Variants in TTN observed in about 807,000 individuals in gnomAD.
TTN encodes the protein connectin.
TTN carries 1,525 observed loss-of-function variants against 3,223.0 expected under a neutral mutation model. The observed-to-expected ratio is 0.47, with a 90% CI of 0.45 to 0.49. The LOEUF is 0.49. Among genes scored for constraint, TTN ranks in the 20% least tolerant of loss-of-function variants. The pLI is 0.00. For missense variants in TTN, 40,786 were observed against 43,424.0 expected (o/e 0.94, Z 5.40); for synonymous variants, 14,094 against 15,161.0 (o/e 0.93, Z 5.17).
Position 178,794,371 on chromosome 2 carries a change from G to A in TTN, c.1398+28C>T, listed in dbSNP as rs762093001. 4.3e-6 allele frequency: 7 copies of A among 1,613,580 alleles called. No homozygotes were observed. The East Asian group carries it at 1.3e-4, about 31-fold the overall frequency. Reference sequence around the variant, plus strand: ...TGTGCACTGAAGGACGTGGCTCTGCGGGTGCCCCATGGCAGCCTCGCACGT... The same window carrying A: ...TGTGCACTGAAGGACGTGGCTCTGCAGGTGCCCCATGGCAGCCTCGCACGT... On this transcript the variant is annotated intron_variant, in intron 8 of 362. Transcript: ENST00000589042.
chr2:178,647,540 G>T, intron 213 of TTN, 76 bp from the exon 214 acceptor site: 1 of 1,377,868 alleles, frequency 7.3e-7, no homozygotes, highest in African/African-American at 1.4e-5. Flanking sequence ...GGCAAAGAAT[G>T]CAGGGGCAAG....
intron 162 of TTN, 42 bp downstream of exon 162, chr2:178,667,194 G>A (rs1186556001): frequency 6.8e-7 from 1 of 1,476,622 alleles, no homozygotes; most frequent in Non-Finnish European, 9.2e-7. Context: ...ACTGAAGACA[G>A]TATATTTTCT....
At chr2:178,737,613 A>G (rs1173068783) in intron 49 of TTN, among the ~76,000 whole-genome samples, 6 of 152,132 alleles carry the variant, frequency 3.9e-5, no homozygotes, top group South Asian at 2.1e-4. Flanking sequence ...TTATTTTTAA[A>G]TTAGTAAAAA....
intron 59 of TTN, 25 bp downstream of exon 59, chr2:178,731,280 C>T (rs1239952244): frequency 1.2e-6 from 2 of 1,611,822 alleles, no homozygotes; most frequent in Non-Finnish European, 1.7e-6. Flanking sequence ...CTTCCTCAAA[C>T]CCAAGGCAAA....
rs754573033 is a variant in TTN, at chr2:178,665,478, T to G, written c.35960-18A>C. ...TTCTGGTGCTTTGAAGATATTAGTATTATGGTTAGAGGTTAAAAGGATCAG... is the reference window on the plus strand; with the variant it reads ...TTCTGGTGCTTTGAAGATATTAGTAGTATGGTTAGAGGTTAAAAGGATCAG... On this transcript the variant is annotated intron_variant, in intron 164 of 362. Transcript: ENST00000589042. 6 of 1,610,322 alleles carry G rather than the reference T, an allele frequency of 3.7e-6. No homozygotes were observed. Among genetic ancestry groups the G allele is most frequent in the African/African-American group, 1.3e-5 (1 of 74,862 alleles).
rs1372770028 is a variant in TTN at position 178,682,736 on chromosome 2, C to T, written c.33055G>A (p.Glu11019Lys). Residue 11019 changes from glutamate (E) to lysine (K), a missense_variant, in exon 135 of 363, where the codon GAG becomes AAG. Coordinates refer to ENST00000589042, the MANE Select transcript of TTN (RefSeq NM_001267550.2). ...YDQYEEYEER[E>K]YERYEEHEEY... ...TCATGCTCTTCATATCGTTCATACT[C>T]CCGCTCCTCGTATTCTTCATATTGG... 6.2e-7 allele frequency: 1 copy of T among 1,612,836 alleles called. No homozygotes were observed. The highest frequency in any genetic ancestry group is 8.5e-7 in the Non-Finnish European group (1 of 1,179,160).
Position 178,565,318 on chromosome 2 carries a change from G to T in TTN, c.80814C>A (p.His26938Gln). ...AGTCATCTTTGTTACCTTCTTTAAT[G>T]TGCAAAACAGTTGAGGTAGCTGTTT... ...VEETATSTVLHIKEGNKDDFG... is the reference protein window; with the variant it reads ...VEETATSTVLQIKEGNKDDFG... Residue 26938 changes from histidine (H) to glutamine (Q), a missense_variant, in exon 326 of 363, where the codon CAC becomes CAA. Coordinates refer to ENST00000589042, the MANE Select transcript of TTN (RefSeq NM_001267550.2). 1 of 1,613,578 alleles carries T rather than the reference G, an allele frequency of 6.2e-7. No individual in the cohort carries two copies. Among genetic ancestry groups the T allele is most frequent in the Non-Finnish European group, 8.5e-7 (1 of 1,179,654 alleles).
In TTN at chr2:178,609,247, G is replaced by T; in HGVS notation, c.52063C>A (p.His17355Asn). 1.3e-6 allele frequency: 2 copies of T among 1,532,716 alleles called. No individual in the cohort carries two copies. The highest frequency in any genetic ancestry group is 2.7e-5 in the South Asian group (2 of 74,934). The allele number at this position is 1,532,716 out of a possible 1,614,324, so 94.9% of individuals were successfully genotyped here. A position where few individuals can be genotyped will look rare whatever the true frequency, so the allele number is the denominator to read the frequency against. ...GTACAAGGAGCTTTTGCAATACCGT[G>T]GTCATTTTCAACTTTGATCATATAC... ...GLYMIKVENDHGIAKAPCTVS... is the reference protein window; with the variant it reads ...GLYMIKVENDNGIAKAPCTVS... Residue 17355 changes from histidine (H) to asparagine (N), a missense_variant, in exon 273 of 363, where the codon CAC becomes AAC. By Grantham distance (68) the His-to-Asn change is moderately conservative. Coordinates refer to ENST00000589042, the MANE Select transcript of TTN (RefSeq NM_001267550.2).
chr2:178,685,918 A>G (rs1410121320), intron 127 of TTN, among the ~76,000 whole-genome samples: 1 of 152,142 alleles, frequency 6.6e-6, no homozygotes, highest in Non-Finnish European at 1.5e-5. Flanking sequence ...TAAGAACAGA[A>G]GAATTTGAAG....
In TTN at chr2:178,590,017, G is replaced by C. The variant is rs769184808; in HGVS notation, c.61708C>G (p.Pro20570Ala). 6.8e-6 allele frequency: 11 copies of C among 1,613,084 alleles called. No homozygotes were observed. Among genetic ancestry groups the C allele is most frequent in the East Asian group, 4.5e-5 (2 of 44,698 alleles). Residue 20570 changes from proline to alanine, a missense_variant, in exon 304 of 363, where the codon CCT becomes GCT. By Grantham distance (27) the Pro-to-Ala change is conservative. Transcript: ENST00000589042. ...ACCTTCAAATTCTGGCAAGGCCCAGGTCTGTCAAGGACGTTAACGATGGCT... is the reference window on the plus strand; with the variant it reads ...ACCTTCAAATTCTGGCAAGGCCCAGCTCTGTCAAGGACGTTAACGATGGCT... ...GSAIVNVLDR[P>A]GPCQNLKVTN...
rs770499179 is a variant in TTN, at chr2:178,601,120, G to C, written c.55784C>G (p.Thr18595Arg). 30 of 1,574,140 alleles carry C rather than the reference G, an allele frequency of 1.9e-5. No homozygotes were observed. The Admixed American group carries it at 2.8e-4, about 15-fold the overall frequency. The change falls in exon 288 of 363, where the codon ACA (threonine) becomes AGA (arginine). Residue 18595 changes from threonine to arginine, a missense_variant. By Grantham distance (71) the Thr-to-Arg change is moderately conservative. Coordinates refer to ENST00000589042, the MANE Select transcript of TTN (RefSeq NM_001267550.2). ...KLKIGLITKN[T>R]VHLSWKPPKN... ...CGGGGGTTTCCATGACAGATGCACT[G>C]TGTTCTTTGTGATGAGGCCAATCTT...
intron 238 of TTN, 123 bp downstream of exon 238, chr2:178,630,681 T>A: frequency 7.1e-7 from 1 of 1,418,052 alleles, no homozygotes; most frequent in Non-Finnish European, 9.6e-7. Flanking sequence ...TCTCTTTGGC[T>A]TAGGGTCTGA....
intron 343 of TTN, 53 bp downstream of exon 343, chr2:178,545,767 C>A (rs1696793762): frequency 6.3e-7 from 1 of 1,598,958 alleles, no homozygotes; most frequent in Admixed American, 1.7e-5. Context: ...CCCTTCTCCC[C>A]CTGATTCTAT....
At chr2:178,744,556 T>C in intron 47 of TTN, 2 of 902,088 alleles carry the variant, frequency 2.2e-6, no homozygotes, top group Non-Finnish European at 1.3e-6. Flanking sequence ...ACAATAAAAA[T>C]TGAATGCTTA....
intron 131 of TTN, 35 bp downstream of exon 131, chr2:178,684,631 T>TG (rs780681567): frequency 2.6e-5 from 41 of 1,585,204 alleles, no homozygotes; most frequent in Non-Finnish European, 3.5e-5. Context: ...ACAAGCCATA[T>TG]GTTCCTAGTT....
rs771834069 is a variant in TTN, at chr2:178,633,473, T to C, written c.42886A>G (p.Lys14296Glu). ...LKIKKADLKD[K>E]GEYVCDCGTD... ...CCACAGTCACACACATATTCGCCTT[T>C]ATCTTTAAGGTCCGCCTTTTTGATT... The change falls in exon 232 of 363, where the codon AAA becomes GAA. Residue 14296 changes from lysine (K) to glutamate (E), a missense_variant. Lys to Glu is a moderately conservative substitution (Grantham distance 56). Coordinates refer to ENST00000589042, the MANE Select transcript of TTN (RefSeq NM_001267550.2). 1.2e-6 allele frequency: 2 copies of C among 1,613,396 alleles called. No homozygotes were observed. Among genetic ancestry groups the C allele is most frequent in the Non-Finnish European group, 1.7e-6 (2 of 1,179,604 alleles).
chr2:178,609,039 A>C (rs542964190), intron 273 of TTN, 131 bp from the exon 274 acceptor site: 1 of 1,303,364 alleles, frequency 7.7e-7, no homozygotes, highest in South Asian at 1.5e-5. Flanking sequence ...TCCATTAGCT[A>C]ATAAATAACA....
Position 178,613,853 on chromosome 2 carries a change from T to C in TTN, c.49430A>G (p.Asp16477Gly), listed in dbSNP as rs765432965. The change falls in exon 263 of 363, where the codon GAT becomes GGT. Residue 16477 changes from aspartate (D) to glycine (G), a missense_variant. Physicochemically the swap from Asp to Gly is moderately conservative, Grantham distance 94. Coordinates refer to ENST00000589042, the MANE Select transcript of TTN (RefSeq NM_001267550.2). ...VTLTWCEPDD[D>G]GGSPITGYWV... ...GTATCCTGTGATTGGGCTGCCACCA[T>C]CATCATCTGGCTCACACCATGTGAG... is the stretch of plus-strand genomic sequence containing the variant. 2 of 1,612,378 alleles carry C rather than the reference T, an allele frequency of 1.2e-6. No homozygotes were observed. The highest frequency in any genetic ancestry group is 1.7e-5 in the Admixed American group (1 of 59,908).
Position 178,618,367 on chromosome 2 carries a change from A to T in TTN, c.47091T>A (p.Arg15697=). 6.2e-7 allele frequency: 1 copy of T among 1,612,516 alleles called. No individual in the cohort carries two copies. The highest frequency in any genetic ancestry group is 8.5e-7 in the Non-Finnish European group (1 of 1,179,092). Residue 15697 remains arginine, a synonymous_variant, in exon 252 of 363, where the codon CGT becomes CGA. Coordinates refer to ENST00000589042, the MANE Select transcript of TTN (RefSeq NM_001267550.2). The stretch of plus-strand genomic sequence containing the variant: ...GAACCCAGGTCTTTCTCTTAATGTC[A>T]CGTCTTTCAACAACGTAACCTATGA... ...SKIIGYVVER[R]DIKRKTWVLA...
Sources: gnomAD v4.1 joint callset for allele counts (sites outside exome capture counted in the v4.1 genomes callset) on GRCh38, gnomAD v4.1.1 for gene constraint, MANE v1.5 for transcripts, NCBI Gene and HGNC (gene_info 2026-07-23, HGNC 2026-07-21) for gene names.